Variants in MAP2K5 observed in about 807,000 individuals in gnomAD.
MAP2K5 encodes dual specificity mitogen-activated protein kinase kinase 5.
MAP2K5 carries 49 observed loss-of-function variants against 83.1 expected under a neutral mutation model. The observed-to-expected ratio is 0.59, with a 90% CI of 0.47 to 0.75. MAP2K5 has a LOEUF of 0.75. Among genes scored for constraint, MAP2K5 ranks in the 30% least tolerant of loss-of-function variants. The pLI is 0.00. For synonymous variants in MAP2K5, 202 were observed against 191.8 expected, an observed-to-expected ratio of 1.05 and a Z score of -0.44; for missense variants, 457 against 557.5, an observed-to-expected ratio of 0.82 and a Z score of 1.82.
intron 8 of MAP2K5, among the ~76,000 whole-genome samples, chr15:67,621,232 T>A (rs2086177482): frequency 6.6e-6 from 1 of 151,986 alleles, no homozygotes; most frequent in South Asian, 2.1e-4. Context: ...TATTTACAAC[T>A]GAACCACAAA....
intron 19 of MAP2K5, among the ~76,000 whole-genome samples, chr15:67,754,851 G>C (rs529416503): frequency 6.6e-6 from 1 of 152,208 alleles, no homozygotes; most frequent in Non-Finnish European, 1.5e-5. Context: ...TTACCCTGTA[G>C]CCAAGGGATA....
intron 16 of MAP2K5, among the ~76,000 whole-genome samples, chr15:67,727,512 C>A (rs572929153): frequency 6.6e-6 from 1 of 152,166 alleles, no homozygotes; most frequent in Admixed American, 6.5e-5. Flanking sequence ...TCCATTTATA[C>A]TTGTAACTGA....
chr15:67,700,645 A>G (rs1216659084), intron 15 of MAP2K5, among the ~76,000 whole-genome samples: 1 of 152,144 alleles, frequency 6.6e-6, no homozygotes, highest in African/African-American at 2.4e-5. Context: ...TAAATTCAGA[A>G]TGTTTTGCTG....
At chr15:67,589,354 T>C (rs923284844) in intron 6 of MAP2K5, among the ~76,000 whole-genome samples, 10 of 152,198 alleles carry the variant, frequency 6.6e-5, no homozygotes, top group Non-Finnish European at 5.9e-5. Context: ...CATGGGTTGT[T>C]TTTTCTTTTG....
rs772773408 is a variant in MAP2K5, at chr15:67,777,390, T to G, written c.1242+4638T>G. 6.6e-6 allele frequency among the ~76,000 whole-genome samples: 1 copy of G among 152,200 alleles called. No homozygotes were observed. Among genetic ancestry groups the G allele is most frequent in the Non-Finnish European group, 1.5e-5 (1 of 68,034 alleles). On this transcript the variant is annotated intron_variant, in intron 21 of 21. Transcript: ENST00000178640. This position sits in a 1 kb window ranked among gnomAD's most constrained non-coding sequence, Gnocchi z 6.0. ...TCTAAGCTCTATTTAATGGAATCTA[T>G]GCATAGTAAGTAATCAGGTCAGAAG...
chr15:67,566,834 A>T (rs971366269), intron 3 of MAP2K5, among the ~76,000 whole-genome samples: 1 of 152,216 alleles, frequency 6.6e-6, no homozygotes, highest in Non-Finnish European at 1.5e-5. Flanking sequence ...AATTATTTAA[A>T]TCACTAGCAG....
chr15:67,656,405 A>T (rs889062778), intron 11 of MAP2K5, among the ~76,000 whole-genome samples: 8 of 151,462 alleles, frequency 5.3e-5, no homozygotes, highest in Non-Finnish European at 8.8e-5. Context: ...GCTCACTGCA[A>T]CCTTCACCTC....
At chr15:67,695,089 T>G (rs965298690) in intron 15 of MAP2K5, among the ~76,000 whole-genome samples, 28 of 135,572 alleles carry the variant, frequency 2.1e-4, no homozygotes, top group African/African-American at 6.9e-4. Flanking sequence ...AATGGGAACA[T>G]CACACTCTGG....
rs1299605581 is a variant in MAP2K5 at position 67,659,961 on chromosome 15, A to G, written c.798+1347A>G. On this transcript the variant is annotated intron_variant, in intron 12 of 21. Transcript: ENST00000178640. ...ATAGAGTCAGCAGAAAAAATAATTCAGCATCAAATACAGGGCTTGCCTATT... is the reference window on the plus strand; with the variant it reads ...ATAGAGTCAGCAGAAAAAATAATTCGGCATCAAATACAGGGCTTGCCTATT... Among the ~76,000 whole-genome samples the G allele has an allele frequency of 2.0e-5, 3 of 152,300 alleles. No individual in the cohort carries two copies. The East Asian group carries it at 5.8e-4, about 29-fold the overall frequency.
chr15:67,775,658 G>A lies in MAP2K5; in HGVS notation c.1242+2906G>A, dbSNP rs1947586322. On this transcript the variant is annotated intron_variant, in intron 21 of 21. Coordinates refer to ENST00000178640, the MANE Select transcript of MAP2K5 (RefSeq NM_145160.3). The surrounding 1 kb of genome is among the most constrained non-coding windows in gnomAD (Gnocchi z 5.3). ...ATGAAGTAACTAGTATAAAAGAACT[G>A]CAGGGTTCTGTGGAGATCCATCTGG... Among the ~76,000 whole-genome samples the A allele has an allele frequency of 1.3e-5, 2 of 152,210 alleles. No homozygotes were observed. The highest frequency in any genetic ancestry group is 4.8e-5 in the African/African-American group (2 of 41,454).
At chr15:67,620,004 A>G (rs1010739635) in intron 8 of MAP2K5, among the ~76,000 whole-genome samples, 2 of 152,248 alleles carry the variant, frequency 1.3e-5, no homozygotes, top group Admixed American at 1.3e-4. Flanking sequence ...CAAGAGTTCA[A>G]GTCTGCATCG....
At chr15:67,796,750 A>G (rs1566967451) in intron 21 of MAP2K5, among the ~76,000 whole-genome samples, 1 of 152,218 alleles carries the variant, frequency 6.6e-6, no homozygotes, top group African/African-American at 2.4e-5. Context: ...GTTAGCTTCA[A>G]TTATATATAA....
intron 8 of MAP2K5, among the ~76,000 whole-genome samples, chr15:67,611,977 A>C (rs1054749995): frequency 6.6e-6 from 1 of 152,084 alleles, no homozygotes; most frequent in Non-Finnish European, 1.5e-5. Flanking sequence ...GTAATCTCTG[A>C]ATAACTGATT....
intron 16 of MAP2K5, among the ~76,000 whole-genome samples, chr15:67,710,497 G>GTTTTTTTTTTTTT (rs10609519): frequency 1.2e-5 from 1 of 81,032 alleles, no homozygotes. Context: ...ATCTTCTGAA[G>GTTTTTTTTTTTTT]TTTTTTTTTT....
In MAP2K5 at chr15:67,577,279, G is replaced by A. The variant is rs759286677; in HGVS notation, c.253-3475G>A. 2.0e-5 allele frequency among the ~76,000 whole-genome samples: 3 copies of A among 152,078 alleles called. No individual in the cohort carries two copies. Among genetic ancestry groups the A allele is most frequent in the Non-Finnish European group, 2.9e-5 (2 of 67,990 alleles). ...GTAAATATTTTTATGCTCATTTGGAGGAAACTGATGTTTAATAAAGTTAAA... is the reference window on the plus strand; with the variant it reads ...GTAAATATTTTTATGCTCATTTGGAAGAAACTGATGTTTAATAAAGTTAAA... On this transcript the variant is annotated intron_variant, in intron 3 of 21. Coordinates refer to ENST00000178640, the MANE Select transcript of MAP2K5 (RefSeq NM_145160.3). The surrounding 1 kb of genome is among the most constrained non-coding windows in gnomAD (Gnocchi z 4.1).
Position 67,565,196 on chromosome 15 carries a change from C to T in MAP2K5, c.252+1846C>T, listed in dbSNP as rs1439758225. Among the ~76,000 whole-genome samples the T allele has an allele frequency of 5.3e-5, 8 of 152,116 alleles. No homozygotes were observed. Among genetic ancestry groups the T allele is most frequent in the Non-Finnish European group, 7.4e-5 (5 of 68,000 alleles). On this transcript the variant is annotated intron_variant, in intron 3 of 21. Transcript: ENST00000178640. The surrounding 1 kb of genome is among the most constrained non-coding windows in gnomAD (Gnocchi z 4.1). Reference sequence around the variant, plus strand: ...TTTACACTGTCTCTCCCCCACCTTCCTCTTTGCAGGATTTTTTTTATGTCA... The same window carrying T: ...TTTACACTGTCTCTCCCCCACCTTCTTCTTTGCAGGATTTTTTTTATGTCA...
In MAP2K5 at chr15:67,806,766, C is replaced by T; in HGVS notation, c.*16C>T. 6.4e-7 allele frequency: 1 copy of T among 1,570,724 alleles called. No individual in the cohort carries two copies. Among genetic ancestry groups the T allele is most frequent in the Non-Finnish European group, 8.6e-7 (1 of 1,162,396 alleles). On this transcript the variant is annotated 3_prime_UTR_variant, in exon 22 of 22. Coordinates refer to ENST00000178640, the MANE Select transcript of MAP2K5 (RefSeq NM_145160.3). ...GCCCCCGTGAGGCTGCCGCAGGGCA[C>T]TGAAAGCCCAGGACCAGTAACCAAG...
chr15:67,595,976 C>CTTTTTTTTTTT (rs11335365), intron 7 of MAP2K5, among the ~76,000 whole-genome samples: 1 of 144,948 alleles, frequency 6.9e-6, no homozygotes, highest in Non-Finnish European at 1.5e-5. Flanking sequence ...GTTATTTTTT[C>CTTTTTTTTTTT]TTTTTTTTTT....
intron 12 of MAP2K5, among the ~76,000 whole-genome samples, chr15:67,660,101 CT>C (rs1414197523): frequency 6.6e-6 from 1 of 152,158 alleles, no homozygotes; most frequent in Admixed American, 6.6e-5. Context: ...GTTTTCCCCC[CT>C]AAATATGTGT....
Sources: gnomAD v4.1 joint callset for allele counts (sites outside exome capture counted in the v4.1 genomes callset) on GRCh38, gnomAD v4.1.1 for gene constraint, Gnocchi (gnomAD v3.1) non-coding constraint, MANE v1.5 for transcripts, NCBI Gene and HGNC (gene_info 2026-07-23, HGNC 2026-07-21) for gene names.